SRPK2: variants seen among roughly 807,000 people sequenced by gnomAD.
SRPK2 encodes SFRS protein kinase 2.
In SRPK2, 21 loss-of-function variants were observed where a neutral mutation model predicts 90.8. The ratio of observed to expected loss-of-function variants is 0.23; its 90% CI spans 0.16 to 0.33. SRPK2 has a LOEUF of 0.33. Among genes scored for constraint, SRPK2 ranks in the 10% least tolerant of loss-of-function variants. The probability of loss-of-function intolerance (pLI) is 1.00; values close to 1 mark genes in which losing one functional copy is unlikely to be tolerated. For synonymous variants in SRPK2, 288 were observed against 311.1 expected (o/e 0.93, Z 0.78); for missense variants, 620 against 869.0 (o/e 0.71, Z 3.60).
intron 2 of SRPK2, among the ~76,000 whole-genome samples, chr7:105,288,187 C>T (rs775204643): frequency 1.3e-5 from 2 of 152,174 alleles, no homozygotes; most frequent in Admixed American, 6.5e-5. Flanking sequence ...AAGAGACTAG[C>T]GTTAAAAACT....
intron 2 of SRPK2, among the ~76,000 whole-genome samples, chr7:105,210,161 A>G (rs1340475562): frequency 1.3e-5 from 2 of 152,212 alleles, no homozygotes; most frequent in Non-Finnish European, 2.9e-5. Flanking sequence ...TAAACTCTAC[A>G]TTTAGTAGGA....
intron 3 of SRPK2, among the ~76,000 whole-genome samples, chr7:105,190,589 C>T (rs1414911188): frequency 6.6e-6 from 1 of 152,250 alleles, no homozygotes; most frequent in Non-Finnish European, 1.5e-5. Context: ...CACCAACTGC[C>T]TTCCCTTCTG....
At chr7:105,218,738 T>C (rs1327019116) in intron 2 of SRPK2, among the ~76,000 whole-genome samples, 1 of 152,148 alleles carries the variant, frequency 6.6e-6, no homozygotes, top group Non-Finnish European at 1.5e-5. Flanking sequence ...CATACCACAA[T>C]GTATTTAGAG....
chr7:105,390,107 A>G (rs1822114976), upstream of SRPK2, among the ~76,000 whole-genome samples: 1 of 152,184 alleles, frequency 6.6e-6, no homozygotes, highest in Admixed American at 6.6e-5. Context: ...TTGCTGAATC[A>G]CTTGAGTTTT....
upstream of SRPK2, among the ~76,000 whole-genome samples, chr7:105,393,972 A>C (rs1311382166): frequency 1.3e-5 from 2 of 151,864 alleles, no homozygotes; most frequent in Admixed American, 1.3e-4. Flanking sequence ...AAAGAACTCC[A>C]TACAGATTAG....
At chr7:105,172,781 A>T (rs550997501) in intron 3 of SRPK2, among the ~76,000 whole-genome samples, 2 of 152,204 alleles carry the variant, frequency 1.3e-5, no homozygotes, top group Non-Finnish European at 2.9e-5. Context: ...TACACAGAAA[A>T]CATGGGATGT....
intron 2 of SRPK2, among the ~76,000 whole-genome samples, chr7:105,285,523 A>C (rs6954421): frequency 0.43 from 66,007 of 151,892 alleles, 15,686 homozygotes; most frequent in South Asian, 0.53. Flanking sequence ...ATATTTGTCC[A>C]CTTCAAATCT....
At chr7:105,297,501 C>T (rs1809972919) in intron 2 of SRPK2, 1 of 985,274 alleles carries the variant, frequency 1.0e-6, no homozygotes, top group African/African-American at 1.7e-5. Context: ...GATGTATCAA[C>T]ATCCTACAGC....
rs1474731310 is a variant in SRPK2 at position 105,323,965 on chromosome 7, CTT to C, written c.71+64681_71+64682del. Among the ~76,000 whole-genome samples, 406 of 110,464 alleles carry C rather than the reference CTT, an allele frequency of 3.7e-3. 3 individuals are homozygous for C. Among genetic ancestry groups the C allele is most frequent in the African/African-American group, 0.014 (376 of 27,614 alleles). 72.5% of individuals were successfully genotyped at this position (110,464 alleles called of 152,430 possible). ...TTAAAAAGACTTTGGTCAGACTATTCTTTGTGTGTGTGTGTGTGTGTGTGTGT... is the reference window on the plus strand; with the variant it reads ...TTAAAAAGACTTTGGTCAGACTATTCTGTGTGTGTGTGTGTGTGTGTGTGT... On this transcript the variant is annotated intron_variant, in intron 2 of 15. Coordinates refer to ENST00000393651, the MANE Select transcript of SRPK2 (RefSeq NM_182692.3).
intron 2 of SRPK2, among the ~76,000 whole-genome samples, chr7:105,243,967 A>G (rs1297066025): frequency 2.6e-5 from 4 of 152,172 alleles, no homozygotes; most frequent in Non-Finnish European, 5.9e-5. Context: ...TCTGCCATTA[A>G]TAAGATGAGT....
At chr7:105,203,174 G>A (rs1245986037) in intron 3 of SRPK2, among the ~76,000 whole-genome samples, 1 of 151,942 alleles carries the variant, frequency 6.6e-6, no homozygotes, top group Non-Finnish European at 1.5e-5. Flanking sequence ...ACTTTTTGTA[G>A]AGACAGTGTC....
chr7:105,373,434 A>C, intron 2 of SRPK2, among the ~76,000 whole-genome samples: 3 of 131,258 alleles, frequency 2.3e-5, no homozygotes, highest in Non-Finnish European at 3.2e-5. Flanking sequence ...ACAAAGTCTC[A>C]CTCTGTTGCC....
chr7:105,130,344 A>C (rs1445927854), intron 13 of SRPK2, among the ~76,000 whole-genome samples: 2 of 152,194 alleles, frequency 1.3e-5, no homozygotes, highest in Non-Finnish European at 2.9e-5. Context: ...TGAGCTCAGG[A>C]GATCAAGACC....
chr7:105,347,683 C>T (rs1331985785), intron 2 of SRPK2, among the ~76,000 whole-genome samples: 1 of 151,780 alleles, frequency 6.6e-6, no homozygotes, highest in African/African-American at 2.4e-5. Context: ...GCAAGACCCC[C>T]ATCTCTGCAA....
intron 15 of SRPK2, among the ~76,000 whole-genome samples, chr7:105,125,033 G>A (rs1201211666): frequency 1.3e-5 from 2 of 151,318 alleles, no homozygotes; most frequent in African/African-American, 4.9e-5. Context: ...GGGAGGCTGC[G>A]GCAGGAGAAT....
At chr7:105,362,137 TCAAA>T (rs1218670163) in intron 2 of SRPK2, among the ~76,000 whole-genome samples, 1 of 151,184 alleles carries the variant, frequency 6.6e-6, no homozygotes, top group Admixed American at 6.6e-5. Flanking sequence ...AGAAAAAAAA[TCAAA>T]CAACCCCATC....
At chr7:105,300,790 A>C (rs112510244) in intron 2 of SRPK2, among the ~76,000 whole-genome samples, 66,755 of 152,106 alleles carry the variant, frequency 0.44, 15,904 homozygotes, top group South Asian at 0.54. Context: ...AGTCATCAAA[A>C]AAATGCAAAT....
In SRPK2 at chr7:105,164,490, T is replaced by C. The variant is rs117633657; in HGVS notation, c.514+2887A>G. Among the ~76,000 whole-genome samples, 359 of 152,304 alleles carry C rather than the reference T, an allele frequency of 2.4e-3. 1 individual carries two copies. Among genetic ancestry groups the C allele is most frequent in the Non-Finnish European group, 3.8e-3 (258 of 68,020 alleles). ...TCTTAAAAAGGGCACCCATTTTTCT[T>C]CAGTTAATAATGTAAAAAAGATTTC... On this transcript the variant is annotated intron_variant, in intron 6 of 15. Coordinates refer to ENST00000393651, the MANE Select transcript of SRPK2 (RefSeq NM_182692.3).
At chr7:105,233,091 A>AAGGAAG (rs1799676826) in intron 2 of SRPK2, among the ~76,000 whole-genome samples, 8 of 91,902 alleles carry the variant, frequency 8.7e-5, no homozygotes, top group South Asian at 4.4e-4. Context: ...AAGGAAGGAA[A>AAGGAAG]GAAGGAAGGA....
Sources: gnomAD v4.1 joint callset for allele counts (sites outside exome capture counted in the v4.1 genomes callset) on GRCh38, gnomAD v4.1.1 for gene constraint, MANE v1.5 for transcripts, NCBI Gene and HGNC (gene_info 2026-07-23, HGNC 2026-07-21) for gene names.